The following MYPOP variants were observed in gnomAD, a reference collection of about 807,000 sequenced individuals.
MYPOP encodes the protein myb-related transcription factor, partner of profilin.
MYPOP carries 21 observed loss-of-function variants against 25.7 expected under a neutral mutation model. That is an observed-to-expected ratio of 0.82 (90% confidence interval 0.58 to 1.18). The LOEUF is 1.18. MYPOP is among the 50% of genes most tolerant of loss of function. The pLI, the probability that MYPOP is intolerant of heterozygous loss-of-function variation, is 0.00. For missense variants in MYPOP, 566 were observed against 588.3 expected, an observed-to-expected ratio of 0.96 and a Z score of 0.39; for synonymous variants, 280 against 247.9, an observed-to-expected ratio of 1.13 and a Z score of -1.22.
chr19:45,894,172 G>GCAC, intron 2 of MYPOP, among the ~76,000 whole-genome samples: 1 of 151,438 alleles, frequency 6.6e-6, no homozygotes, highest in Non-Finnish European at 1.5e-5. Flanking sequence ...GAGTGCAGTG[G>GCAC]TGTGATCTCG....
intron 2 of MYPOP, among the ~76,000 whole-genome samples, chr19:45,900,766 A>T (rs1181950169): frequency 6.6e-6 from 1 of 152,200 alleles, no homozygotes; most frequent in Non-Finnish European, 1.5e-5. Context: ...AATAGTATGC[A>T]TCTTACCGCA....
At position 45,901,673 on chromosome 19, in the gene MYPOP, G is replaced by A; in HGVS notation, c.101C>T (p.Ala34Val). ...CGCGCCGTAGAGCTGCGGGTAGTGG[G>A]CGCGCACCTCGCGGATCAGGATCTG... ...ENQILIREVR[A>V]HYPQLYGAQS... Residue 34 changes from alanine (A) to valine (V), a missense_variant, in exon 2 of 3, where the codon GCC (alanine) becomes GTC (valine). Coordinates refer to ENST00000322217, the MANE Select transcript of MYPOP (RefSeq NM_001012643.4). This position sits in a 1 kb window ranked among gnomAD's most constrained non-coding sequence, Gnocchi z 5.7. 1 of 1,608,898 alleles carries A rather than the reference G, an allele frequency of 6.2e-7. No homozygotes were observed. The highest frequency in any genetic ancestry group is 8.5e-7 in the Non-Finnish European group (1 of 1,178,710).
chr19:45,897,679 A>G (rs980793639), intron 2 of MYPOP, among the ~76,000 whole-genome samples: 2 of 145,970 alleles, frequency 1.4e-5, no homozygotes, highest in African/African-American at 5.1e-5. Context: ...CCTCAACCTC[A>G]TGTGTAGCTG....
chr19:45,897,981 T>A (rs929831445), intron 2 of MYPOP, among the ~76,000 whole-genome samples: 2 of 151,680 alleles, frequency 1.3e-5, no homozygotes, highest in African/African-American at 4.8e-5. Context: ...TGGAGTGCAG[T>A]GGCACAATCT....
rs1967283598 is a variant in MYPOP at position 45,901,216 on chromosome 19, T to C, written c.499+59A>G. ...TCACAGGGCTGCAGCAAGGCTTTGA[T>C]GAGACATGTAAAAGGCTTGCAACAG... is the stretch of plus-strand genomic sequence containing the variant. On this transcript the variant is annotated intron_variant, in intron 2 of 2. Coordinates refer to ENST00000322217, the MANE Select transcript of MYPOP (RefSeq NM_001012643.4). The surrounding 1 kb of genome is among the most constrained non-coding windows in gnomAD (Gnocchi z 5.7). 2 of 1,372,536 alleles carry C rather than the reference T, an allele frequency of 1.5e-6. No homozygotes were observed. The highest frequency in any genetic ancestry group is 6.0e-5 in the East Asian group (2 of 33,578). 85.0% of individuals were successfully genotyped at this position (1,372,536 alleles called of 1,614,324 possible). A position where few individuals can be genotyped will look rare whatever the true frequency, so the allele number is the denominator to read the frequency against.
chr19:45,900,071 A>C (rs1046371348), intron 2 of MYPOP, among the ~76,000 whole-genome samples: 5 of 152,270 alleles, frequency 3.3e-5, no homozygotes, highest in Non-Finnish European at 7.4e-5. Context: ...GGGTGGGTGA[A>C]TGAACCTCTC....
In MYPOP at chr19:45,897,061, C is replaced by T. The variant is rs374448997; in HGVS notation, c.499+4214G>A. On this transcript the variant is annotated intron_variant, in intron 2 of 2. Transcript: ENST00000322217. ...GTGAGCCACTGCTCCTGGCCAGAGT[C>T]CATGGCCTTTTTTTTTTTTTGAGAT... is the stretch of plus-strand genomic sequence containing the variant. 2.0e-5 allele frequency among the ~76,000 whole-genome samples: 3 copies of T among 149,612 alleles called. No individual in the cohort carries two copies. In the East Asian group the frequency reaches 5.9e-4, roughly 29 times the overall value.
chr19:45,894,135 C>T (rs1278299502), intron 2 of MYPOP, among the ~76,000 whole-genome samples: 23 of 133,942 alleles, frequency 1.7e-4, no homozygotes, highest in African/African-American at 2.8e-4. Context: ...TTTTTTGAGA[C>T]GGAGTCTCGC....
chr19:45,901,181 A>G lies in MYPOP; in HGVS notation c.499+94T>C. 1 of 1,185,300 alleles carries G rather than the reference A, an allele frequency of 8.4e-7. No homozygotes were observed. Among genetic ancestry groups the G allele is most frequent in the Non-Finnish European group, 1.1e-6 (1 of 905,754 alleles). 73.4% of individuals were successfully genotyped at this position (1,185,300 alleles called of 1,614,324 possible). A position where few individuals can be genotyped will look rare whatever the true frequency, so the allele number is the denominator to read the frequency against. On this transcript the variant is annotated intron_variant, in intron 2 of 2. Coordinates refer to ENST00000322217, the MANE Select transcript of MYPOP (RefSeq NM_001012643.4). This position sits in a 1 kb window ranked among gnomAD's most constrained non-coding sequence, Gnocchi z 5.7. ...CTAGCTATAAAATGGGGCGAAGGAC[A>G]GCATCCACCTCACAGGGCTGCAGCA...
rs1568641365 is a variant in MYPOP at position 45,891,124 on chromosome 19, C to A, written c.699G>T (p.Leu233=). Residue 233 remains leucine, a synonymous_variant, in exon 3 of 3, where the codon CTG becomes CTT. Coordinates refer to ENST00000322217, the MANE Select transcript of MYPOP (RefSeq NM_001012643.4). ...TAGGGGGTGAGGGTGCCACTTGGGC[C>A]AGTGGCGGTGGGGGTGGCAGTGGAG... ...PAPPLPPPPP[L]AQVAPSPPSP... 4 of 1,200,752 alleles carry A rather than the reference C, an allele frequency of 3.3e-6. No homozygotes were observed. The highest frequency in any genetic ancestry group is 2.4e-5 in the African/African-American group (1 of 41,368). 74.4% of individuals were successfully genotyped at this position (1,200,752 alleles called of 1,614,324 possible). A position where few individuals can be genotyped will look rare whatever the true frequency, so the allele number is the denominator to read the frequency against.
At chr19:45,892,383 C>T (rs1967138599) in intron 2 of MYPOP, among the ~76,000 whole-genome samples, 1 of 152,172 alleles carries the variant, frequency 6.6e-6, no homozygotes, top group African/African-American at 2.4e-5. Context: ...TTTTCCAGTT[C>T]AGCCCCCAGC....
In MYPOP at chr19:45,901,525, G is replaced by A; in HGVS notation, c.249C>T (p.Phe83=). The change falls in exon 2 of 3, where the codon TTC becomes TTT. Residue 83 remains phenylalanine (F), a synonymous_variant. Coordinates refer to ENST00000322217, the MANE Select transcript of MYPOP (RefSeq NM_001012643.4). The surrounding 1 kb of genome is among the most constrained non-coding windows in gnomAD (Gnocchi z 5.7). ...GQEVQKRWND[F]KRRTKEKLAR... ...CGAGCTTCTCCTTGGTGCGGCGCTTGAAGTCGTTCCAGCGCTTCTGCACCT... is the reference window on the plus strand; with the variant it reads ...CGAGCTTCTCCTTGGTGCGGCGCTTAAAGTCGTTCCAGCGCTTCTGCACCT... 1 of 1,611,906 alleles carries A rather than the reference G, an allele frequency of 6.2e-7. No individual in the cohort carries two copies. Among genetic ancestry groups the A allele is most frequent in the East Asian group, 2.2e-5 (1 of 44,836 alleles).
chr19:45,894,547 G>C (rs931718364), intron 2 of MYPOP, among the ~76,000 whole-genome samples: 2 of 151,846 alleles, frequency 1.3e-5, no homozygotes, highest in African/African-American at 2.4e-5. Flanking sequence ...CTGAGCTTCT[G>C]GGACCACAGA....
At position 45,901,830 on chromosome 19, in the gene MYPOP, G is replaced by A; in HGVS notation, c.-52-5C>T. ...GGCGCATGGGGGGCGCCGGCGCTGC[G>A]GGCAAAGGGCGCACGGGGCTGGCTG... On this transcript the variant is annotated splice_polypyrimidine_tract_variant and splice_region_variant and intron_variant, in intron 1 of 2. Transcript: ENST00000322217. The surrounding 1 kb of genome is among the most constrained non-coding windows in gnomAD (Gnocchi z 5.7). The A allele has an allele frequency of 2.3e-6, 3 of 1,313,354 alleles. No individual in the cohort carries two copies. Among genetic ancestry groups the A allele is most frequent in the East Asian group, 3.2e-5 (1 of 31,736 alleles). 81.4% of individuals were successfully genotyped at this position (1,313,354 alleles called of 1,614,324 possible). A position where few individuals can be genotyped will look rare whatever the true frequency, so the allele number is the denominator to read the frequency against.
At chr19:45,896,788 G>T (rs1048584987) in intron 2 of MYPOP, among the ~76,000 whole-genome samples, 4 of 151,634 alleles carry the variant, frequency 2.6e-5, no homozygotes, top group Non-Finnish European at 5.9e-5. Context: ...ACTGCGCCCG[G>T]CTAATTTTTT....
intron 2 of MYPOP, 145 bp from the exon 3 acceptor site, chr19:45,891,468 G>A: frequency 3.0e-6 from 3 of 993,812 alleles, no homozygotes; most frequent in Middle Eastern, 6.6e-4. Flanking sequence ...AGACAGTCTT[G>A]GTCTGTCACC....
chr19:45,901,160 C>G lies in MYPOP; in HGVS notation c.499+115G>C. On this transcript the variant is annotated intron_variant, in intron 2 of 2. Transcript: ENST00000322217. This position sits in a 1 kb window ranked among gnomAD's most constrained non-coding sequence, Gnocchi z 5.7. ...TTTTTCTGAGCTTCAGTTTCCCTAGCTATAAAATGGGGCGAAGGACAGCAT... is the reference window on the plus strand; with the variant it reads ...TTTTTCTGAGCTTCAGTTTCCCTAGGTATAAAATGGGGCGAAGGACAGCAT... 1 of 1,002,864 alleles carries G rather than the reference C, an allele frequency of 1.0e-6. No individual in the cohort carries two copies. Among genetic ancestry groups the G allele is most frequent in the Non-Finnish European group, 1.3e-6 (1 of 750,244 alleles). 62.1% of individuals were successfully genotyped at this position (1,002,864 alleles called of 1,614,324 possible). A position where few individuals can be genotyped will look rare whatever the true frequency, so the allele number is the denominator to read the frequency against.
rs769806676 is a variant in MYPOP, at chr19:45,901,378, C to T, written c.396G>A (p.Gly132=). 9.3e-5 allele frequency: 139 copies of T among 1,502,056 alleles called. 2 individuals carry two copies. The Middle Eastern group carries it at 5.2e-3, about 56-fold the overall frequency. The allele number at this position is 1,502,056 out of a possible 1,614,324, so 93.0% of individuals were successfully genotyped here. A position where few individuals can be genotyped will look rare whatever the true frequency, so the allele number is the denominator to read the frequency against. The change falls in exon 2 of 3, where the codon GGG becomes GGA. Residue 132 remains glycine, a synonymous_variant. Transcript: ENST00000322217. The surrounding 1 kb of genome is among the most constrained non-coding windows in gnomAD (Gnocchi z 5.7). ...PGVAAPGAGA[G]AEEPPAAPSS... ...AGGGGGCCGCAGGGGGCTCCTCCGC[C>T]CCAGCACCTGCCCCCGGCGCCGCCA...
At chr19:45,892,208 A>C (rs1040472561) in intron 2 of MYPOP, among the ~76,000 whole-genome samples, 6 of 152,198 alleles carry the variant, frequency 3.9e-5, no homozygotes, top group African/African-American at 1.4e-4. Flanking sequence ...GGTGTGAGCC[A>C]CTGCGCTCGG....
Sources: allele counts gnomAD v4.1 joint callset (sites outside exome capture counted in the v4.1 genomes callset), GRCh38; gene constraint gnomAD v4.1.1; non-coding constraint Gnocchi (gnomAD v3.1); transcripts MANE v1.5; gene names NCBI Gene and HGNC (gene_info 2026-07-23, HGNC 2026-07-21).